The following FOCAD variants were observed in gnomAD, a reference collection of about 807,000 sequenced individuals.
FOCAD encodes focadhesin.
In FOCAD, 198 loss-of-function variants were observed where a neutral mutation model predicts 225.6. The observed-to-expected ratio is 0.88, with a 90% confidence interval of 0.78 to 0.99. FOCAD has a LOEUF of 0.99. Ranked by LOEUF, FOCAD falls within the 50% of genes least tolerant of loss-of-function variation. The pLI is 0.00. For missense variants in FOCAD, 2,713 were observed against 2,123.6 expected, an observed-to-expected ratio of 1.28 and a Z score of -5.46; for synonymous variants, 897 against 755.0, an observed-to-expected ratio of 1.19 and a Z score of -3.08.
chr9:20,986,292 AC>A lies in FOCAD; in HGVS notation c.4734del (p.Asn1578LysfsTer2), dbSNP rs1445652390. The A allele has an allele frequency of 2.5e-6, 1 of 394,144 alleles. No homozygotes were observed. The highest frequency in any genetic ancestry group is 6.6e-5 in the African/African-American group (1 of 15,196). The allele number at this position is 394,144 out of a possible 1,614,324, so 24.4% of individuals were successfully genotyped here. A position where few individuals can be genotyped will look rare whatever the true frequency, so the allele number is the denominator to read the frequency against. On this transcript the variant is annotated frameshift_variant, in exon 40 of 44. Transcript: ENST00000338382. LOFTEE classifies it high-confidence loss of function. ...TTTTTTTTTTTTTTTTTGCAGAGCA[AC>A]ATAGAAAAAGCTGCCTTTGTCAAAC... ...ANRIAQVTKS[N>X]IEKAAFVKLY... is the part of the protein sequence containing the mutation.
At position 20,724,115 on chromosome 9, in the gene FOCAD, C is replaced by T. The variant is rs536684535; in HGVS notation, c.287+3581C>T. Among the ~76,000 whole-genome samples, 3 of 152,296 alleles carry T rather than the reference C, an allele frequency of 2.0e-5. No individual in the cohort carries two copies. In the East Asian group the frequency reaches 5.8e-4, roughly 29 times the overall value. Reference sequence around the variant, plus strand: ...CTGCCTCCCGTAATTCATTCACCCCCTACCAGGCCTCATCTCCAACATTTA... The same window carrying T: ...CTGCCTCCCGTAATTCATTCACCCCTTACCAGGCCTCATCTCCAACATTTA... On this transcript the variant is annotated intron_variant, in intron 4 of 43. Coordinates refer to ENST00000338382, the MANE Select transcript of FOCAD (RefSeq NM_001375567.1).
chr9:20,656,740 G>A (rs1251916294), upstream of FOCAD, among the ~76,000 whole-genome samples: 1 of 152,112 alleles, frequency 6.6e-6, no homozygotes, highest in Non-Finnish European at 1.5e-5. Context: ...CAATTTGCCA[G>A]TCTGTGTCTT....
chr9:20,757,521 G>A (rs149587075), intron 5 of FOCAD, among the ~76,000 whole-genome samples: 51 of 152,228 alleles, frequency 3.4e-4, no homozygotes, highest in African/African-American at 1.2e-3. Context: ...GAAATTTTAT[G>A]CATCTTCAGT....
At chr9:20,743,057 C>T (rs1285548166) in intron 5 of FOCAD, among the ~76,000 whole-genome samples, 1 of 152,114 alleles carries the variant, frequency 6.6e-6, no homozygotes, top group African/African-American at 2.4e-5. Flanking sequence ...GAGAGGTGAG[C>T]CTGAAGAGCA....
At chr9:20,883,572 G>C (rs919186099) in intron 20 of FOCAD, among the ~76,000 whole-genome samples, 1 of 152,162 alleles carries the variant, frequency 6.6e-6, no homozygotes, top group African/African-American at 2.4e-5. Context: ...ATGGGATTAA[G>C]CTAGAAATAA....
intron 24 of FOCAD, among the ~76,000 whole-genome samples, chr9:20,923,331 A>G (rs1834628608): frequency 6.6e-6 from 1 of 152,208 alleles, no homozygotes. Context: ...TAAATTGGCC[A>G]AAGATGACAC....
chr9:20,719,209 G>A (rs1160997602), intron 3 of FOCAD, among the ~76,000 whole-genome samples: 5 of 152,052 alleles, frequency 3.3e-5, no homozygotes, highest in African/African-American at 1.2e-4. Context: ...AGCCTCCCGA[G>A]TAGCTGGGAC....
intron 21 of FOCAD, 170 bp downstream of exon 21, chr9:20,885,400 C>T (rs528912346): frequency 2.0e-6 from 1 of 500,692 alleles, no homozygotes; most frequent in African/African-American, 2.0e-5. Context: ...CAATGTATTT[C>T]TGAAAGAAAC....
chr9:20,797,863 G>A (rs1821306797), intron 11 of FOCAD, among the ~76,000 whole-genome samples: 1 of 151,986 alleles, frequency 6.6e-6, no homozygotes, highest in Non-Finnish European at 1.5e-5. Flanking sequence ...GATTGCCCTG[G>A]CCAGAACTTC....
intron 19 of FOCAD, among the ~76,000 whole-genome samples, chr9:20,876,244 C>G (rs1001262079): frequency 2.4e-4 from 37 of 152,140 alleles, no homozygotes; most frequent in African/African-American, 8.9e-4. Flanking sequence ...TACCTCTTAG[C>G]TTTTCAGAGT....
At chr9:20,981,016 T>G (rs141120702) in intron 37 of FOCAD, among the ~76,000 whole-genome samples, 14 of 152,340 alleles carry the variant, frequency 9.2e-5, no homozygotes, top group African/African-American at 3.1e-4. Flanking sequence ...ATGCTCTGTT[T>G]AGTTGATTTT....
At chr9:20,679,724 C>T (rs867784976), upstream of FOCAD, among the ~76,000 whole-genome samples, 2 of 152,112 alleles carry the variant, frequency 1.3e-5, no homozygotes, top group African/African-American at 4.8e-5. Context: ...TATCTGCCTG[C>T]CTACCTCTTA....
At chr9:20,764,816 G>A (rs1829915217) in intron 6 of FOCAD, 53 bp from the exon 7 acceptor site, 2 of 1,400,254 alleles carry the variant, frequency 1.4e-6, no homozygotes, top group African/African-American at 1.4e-5. Flanking sequence ...CCACTTACCT[G>A]CTTGATAGTG....
chr9:20,675,506 A>G (rs1822205367), intron 2 of FOCAD, among the ~76,000 whole-genome samples: 1 of 152,246 alleles, frequency 6.6e-6, no homozygotes, highest in Non-Finnish European at 1.5e-5. Context: ...ATTCATCACA[A>G]TATTCCCAAC....
chr9:20,870,828 TC>T (rs1308019227), intron 18 of FOCAD, among the ~76,000 whole-genome samples: 1 of 152,246 alleles, frequency 6.6e-6, no homozygotes, highest in African/African-American at 2.4e-5. Flanking sequence ...TCTGACATTT[TC>T]AACCTACGAT....
rs768472960 is a variant in FOCAD at position 20,882,069 on chromosome 9, C to T, written c.2503+13C>T. The T allele has an allele frequency of 1.9e-6, 3 of 1,592,084 alleles. No homozygotes were observed. Among genetic ancestry groups the T allele is most frequent in the Non-Finnish European group, 2.6e-6 (3 of 1,171,692 alleles). ...CCTGGCCTTGCAGGTAAGGGTAGTA[C>T]ATAGTATCAAAAATACAGGTTTTTC... On this transcript the variant is annotated intron_variant, in intron 20 of 43. Coordinates refer to ENST00000338382, the MANE Select transcript of FOCAD (RefSeq NM_001375567.1).
Position 20,874,750 on chromosome 9 carries a change from G to T in FOCAD, c.2260G>T (p.Val754Phe). The T allele has an allele frequency of 6.2e-7, 1 of 1,613,716 alleles. No individual in the cohort carries two copies. Among genetic ancestry groups the T allele is most frequent in the South Asian group, 1.1e-5 (1 of 91,078 alleles). The change falls in exon 19 of 44, where the codon GTT becomes TTT. Residue 754 changes from valine to phenylalanine, a missense_variant. Val to Phe is a conservative substitution (Grantham distance 50). Transcript: ENST00000338382. ...AGATGTTGAGGATGTGGATCTTTCA[G>T]TTCCTGGCTCTTGCTATCTCAAACT... ...DEDVEDVDLS[V>F]PGSCYLKLLS...
intron 15 of FOCAD, among the ~76,000 whole-genome samples, chr9:20,838,718 T>C (rs925691735): frequency 6.6e-6 from 1 of 152,098 alleles, no homozygotes; most frequent in Non-Finnish European, 1.5e-5. Flanking sequence ...CTTAGGCTAC[T>C]GAATCCAAAT....
At chr9:20,928,855 G>A (rs1193322384) in intron 26 of FOCAD, 1 of 152,412 alleles carries the variant, frequency 6.6e-6, no homozygotes, top group Non-Finnish European at 1.5e-5. Context: ...ATAGATCCCT[G>A]TGCTAAATTT....
Sources: allele counts gnomAD v4.1 joint callset (sites outside exome capture counted in the v4.1 genomes callset), GRCh38; gene constraint gnomAD v4.1.1; transcripts MANE v1.5; gene names NCBI Gene and HGNC (gene_info 2026-07-23, HGNC 2026-07-21).